The following LEPR variants were observed in gnomAD, a reference collection of about 807,000 sequenced individuals.
LEPR encodes the protein OB receptor.
LEPR carries 56 observed loss-of-function variants against 114.7 expected under a neutral mutation model. The ratio of observed to expected loss-of-function variants is 0.49; its 90% confidence interval spans 0.39 to 0.61. LEPR has a LOEUF of 0.61. Among genes scored for constraint, LEPR ranks in the 20% least tolerant of loss-of-function variants. LEPR has a pLI of 0.00. For missense variants in LEPR, 1,202 were observed against 1,352.9 expected (o/e 0.89, Z 1.75); for synonymous variants, 443 against 461.4 (o/e 0.96, Z 0.51).
intron 2 of LEPR, among the ~76,000 whole-genome samples, chr1:65,427,052 T>G (rs916012736): frequency 6.6e-6 from 1 of 151,928 alleles, no homozygotes; most frequent in African/African-American, 2.4e-5. Context: ...AGTGAGTTAT[T>G]ATGACAGTGA....
intron 5 of LEPR, among the ~76,000 whole-genome samples, chr1:65,583,339 T>G (rs12067730): frequency 1.3e-5 from 2 of 151,992 alleles, no homozygotes; most frequent in Non-Finnish European, 2.9e-5. Context: ...CTGGCCACAA[T>G]GTTGGGTAAG....
chr1:65,592,249 T>A (rs1369080516), intron 5 of LEPR, among the ~76,000 whole-genome samples: 1 of 20,720 alleles, frequency 4.8e-5, no homozygotes, highest in Non-Finnish European at 1.1e-4. Context: ...TCTGCTGTCA[T>A]TTTTTTTTTT....
chr1:65,543,578 C>A (rs541401144), intron 2 of LEPR, among the ~76,000 whole-genome samples: 1 of 152,044 alleles, frequency 6.6e-6, no homozygotes, highest in South Asian at 2.1e-4. Flanking sequence ...CCTAGGTTTT[C>A]TTCTAGGGCT....
chr1:65,430,012 C>G lies in LEPR; in HGVS notation c.-21+4634C>G, dbSNP rs1216584143. ...TCACTACTGGAATTGTTGTTTCTGC[C>G]TTTGGATTTCCTGTTATTCTTGCTC... On this transcript the variant is annotated intron_variant, in intron 2 of 19. Coordinates refer to ENST00000349533, the MANE Select transcript of LEPR (RefSeq NM_002303.6). The G allele has an allele frequency of 4.5e-6, 7 of 1,567,190 alleles. No homozygotes were observed. The African/African-American group carries it at 9.4e-5, about 21-fold the overall frequency.
intron 2 of LEPR, among the ~76,000 whole-genome samples, chr1:65,436,671 A>G (rs1252917529): frequency 6.6e-6 from 1 of 152,242 alleles, no homozygotes; most frequent in Non-Finnish European, 1.5e-5. Flanking sequence ...TAATCCTGAG[A>G]TTGCTCATTT....
chr1:65,457,196 T>C (rs1164167505), intron 2 of LEPR, among the ~76,000 whole-genome samples: 1 of 152,216 alleles, frequency 6.6e-6, no homozygotes. Context: ...GATATATACA[T>C]AAGCATATAT....
At chr1:65,600,138 A>G (rs1656346973) in intron 8 of LEPR, among the ~76,000 whole-genome samples, 1 of 152,090 alleles carries the variant, frequency 6.6e-6, no homozygotes. Context: ...TTTAAATAAG[A>G]ATTATTCTGA....
rs1483529834 is a variant in LEPR, at chr1:65,633,529, T to G, written c.2674-2662T>G. 9.6e-7 allele frequency: 1 copy of G among 1,046,348 alleles called. No individual in the cohort carries two copies. Among genetic ancestry groups the G allele is most frequent in the East Asian group, 7.2e-5 (1 of 13,810 alleles). The allele number at this position is 1,046,348 out of a possible 1,614,324, so 64.8% of individuals were successfully genotyped here. On this transcript the variant is annotated intron_variant, in intron 19 of 19. Coordinates refer to ENST00000349533, the MANE Select transcript of LEPR (RefSeq NM_002303.6). This position sits in a 1 kb window ranked among gnomAD's most constrained non-coding sequence, Gnocchi z 4.1. The stretch of plus-strand genomic sequence containing the variant: ...CATATCTATTAAATGTCATCAAATA[T>G]GTAGTAGACAATGCTGTAATTAGGT...
chr1:65,508,525 G>A (rs552154252), intron 2 of LEPR, among the ~76,000 whole-genome samples: 2 of 152,228 alleles, frequency 1.3e-5, no homozygotes, highest in South Asian at 4.1e-4. Context: ...TGAGCTCTCT[G>A]TGCTATTCTG....
chr1:65,421,813 C>A (rs1646257242), intron 1 of LEPR, among the ~76,000 whole-genome samples: 2 of 151,904 alleles, frequency 1.3e-5, no homozygotes, highest in African/African-American at 4.8e-5. Flanking sequence ...TCAGAAACTA[C>A]CAAATCATGA....
chr1:65,612,139 A>C lies in LEPR; in HGVS notation c.1995+1843A>C, dbSNP rs772830175. Among the ~76,000 whole-genome samples, 100 of 152,352 alleles carry C rather than the reference A, an allele frequency of 6.6e-4. 2 individuals are homozygous for C. Among genetic ancestry groups the C allele is most frequent in the Middle Eastern group, 3.4e-3 (1 of 294 alleles). Reference sequence around the variant, plus strand: ...AAACCGGGATAAGATTTGCTTAAGGAGTAAGCCACAAGGCCACAGGATAAG... The same window carrying C: ...AAACCGGGATAAGATTTGCTTAAGGCGTAAGCCACAAGGCCACAGGATAAG... On this transcript the variant is annotated intron_variant, in intron 14 of 19. Transcript: ENST00000349533.
intron 10 of LEPR, among the ~76,000 whole-genome samples, chr1:65,604,825 T>TGGA (rs1656708068): frequency 6.6e-6 from 1 of 152,184 alleles, no homozygotes; most frequent in Non-Finnish European, 1.5e-5. Flanking sequence ...CATGAGAATC[T>TGGA]AATGCCTGGT....
At chr1:65,518,688 T>G (rs376945438) in intron 2 of LEPR, among the ~76,000 whole-genome samples, 4 of 152,318 alleles carry the variant, frequency 2.6e-5, no homozygotes, top group African/African-American at 9.6e-5. Flanking sequence ...TATGCCCAAC[T>G]TCATTGTTTA....
At chr1:65,575,876 A>G (rs767671388) in intron 5 of LEPR, among the ~76,000 whole-genome samples, 6 of 151,566 alleles carry the variant, frequency 4.0e-5, no homozygotes, top group Middle Eastern at 3.4e-3. Flanking sequence ...CTCAGAAATG[A>G]CCTCAGTGCC....
chr1:65,464,872 T>TA (rs1176568098), intron 2 of LEPR, among the ~76,000 whole-genome samples: 16 of 152,262 alleles, frequency 1.1e-4, no homozygotes, highest in Admixed American at 7.2e-4. Flanking sequence ...TTGGTGGTGA[T>TA]ATCCCTTTTA....
intron 2 of LEPR, among the ~76,000 whole-genome samples, chr1:65,460,057 CTTT>C (rs376057328): frequency 9.0e-5 from 13 of 144,794 alleles, no homozygotes; most frequent in African/African-American, 2.8e-4. Flanking sequence ...CTAAATTATC[CTTT>C]TTTTTTTTTT....
At chr1:65,534,689 A>G (rs1464081621) in intron 2 of LEPR, among the ~76,000 whole-genome samples, 1 of 152,212 alleles carries the variant, frequency 6.6e-6, no homozygotes, top group East Asian at 1.9e-4. Context: ...AGTACAAGTG[A>G]AAGTGAGTGA....
intron 2 of LEPR, among the ~76,000 whole-genome samples, chr1:65,438,111 G>A (rs988746747): frequency 1.3e-5 from 1 of 75,598 alleles, no homozygotes. Flanking sequence ...GCTCCTAGCC[G>A]CCTTTTTTTT....
At chr1:65,454,379 G>T (rs1646836626) in intron 2 of LEPR, among the ~76,000 whole-genome samples, 1 of 151,972 alleles carries the variant, frequency 6.6e-6, no homozygotes, top group African/African-American at 2.4e-5. Flanking sequence ...TCGTAGTCTC[G>T]ATGGTCTTTA....
Sources: allele counts gnomAD v4.1 joint callset (sites outside exome capture counted in the v4.1 genomes callset), GRCh38; gene constraint gnomAD v4.1.1; non-coding constraint Gnocchi (gnomAD v3.1); transcripts MANE v1.5; gene names NCBI Gene and HGNC (gene_info 2026-07-23, HGNC 2026-07-21).